The following ST18 variants were observed in gnomAD, a reference collection of about 807,000 sequenced individuals.
The protein encoded by ST18 is suppression of tumorigenicity 18 protein.
Under a neutral mutation model 110.0 loss-of-function variants are expected in ST18, and 50 were observed. The observed-to-expected ratio is 0.45, with a 90% CI of 0.36 to 0.58. The LOEUF (loss-of-function observed/expected upper bound fraction) is 0.58, where lower values mean the gene tolerates loss of function less well. ST18 is among the 20% of genes least tolerant of loss of function. The probability of loss-of-function intolerance (pLI) is 0.00; values close to 1 mark genes in which losing one functional copy is unlikely to be tolerated. For missense variants in ST18, 1,306 were observed against 1,280.1 expected, an observed-to-expected ratio of 1.02 and a Z score of -0.31; for synonymous variants, 461 against 452.4, an observed-to-expected ratio of 1.02 and a Z score of -0.24.
intron 2 of ST18, among the ~76,000 whole-genome samples, chr8:52,367,236 TCACACACA>T (rs748933981): frequency 8.3e-6 from 1 of 120,190 alleles, no homozygotes; most frequent in African/African-American, 3.1e-5. Context: ...GGACCCTGTC[TCACACACA>T]CACACACACA....
intron 2 of ST18, among the ~76,000 whole-genome samples, chr8:52,277,446 C>G (rs1215178320): frequency 1.3e-5 from 2 of 152,174 alleles, no homozygotes; most frequent in Non-Finnish European, 2.9e-5. Flanking sequence ...TCTCCACTTT[C>G]TTCCACTGCA....
At chr8:52,284,757 C>A (rs1364805369) in intron 2 of ST18, among the ~76,000 whole-genome samples, 3 of 152,056 alleles carry the variant, frequency 2.0e-5, no homozygotes, top group Non-Finnish European at 2.9e-5. Context: ...TTGAAATGGA[C>A]TAGGAAATGT....
chr8:52,331,534 T>G (rs557086021), intron 2 of ST18, among the ~76,000 whole-genome samples: 74 of 152,084 alleles, frequency 4.9e-4, no homozygotes, highest in African/African-American at 1.7e-3. Flanking sequence ...AGGGAGAAAA[T>G]GCAGGGAAGA....
intron 2 of ST18, among the ~76,000 whole-genome samples, chr8:52,252,929 G>A (rs2094385824): frequency 6.6e-6 from 1 of 151,872 alleles, no homozygotes; most frequent in South Asian, 2.1e-4. Context: ...CCTAATTTTA[G>A]TCTTACTTTG....
intron 2 of ST18, among the ~76,000 whole-genome samples, chr8:52,386,107 A>T (rs992012246): frequency 1.5e-4 from 23 of 152,222 alleles, no homozygotes; most frequent in Non-Finnish European, 2.8e-4. Context: ...ATCACAGGAA[A>T]ACTATAGATA....
chr8:52,236,858 G>T (rs76821955), intron 2 of ST18, among the ~76,000 whole-genome samples: 4,466 of 152,246 alleles, frequency 0.029, 123 homozygotes, highest in East Asian at 0.079. Flanking sequence ...AAACTGGTAT[G>T]TTGGGGAGGA....
At chr8:52,206,695 TA>T (rs147779194) in intron 8 of ST18, 18,605 of 152,298 alleles carry the variant, frequency 0.12, 1,272 homozygotes, top group Middle Eastern at 0.22. Context: ...GGCTTATAGG[TA>T]AAAAGGGTTT....
chr8:52,384,140 G>T (rs1835631236), intron 2 of ST18, among the ~76,000 whole-genome samples: 1 of 152,140 alleles, frequency 6.6e-6, no homozygotes, highest in Non-Finnish European at 1.5e-5. Context: ...ACATAAATGG[G>T]AGAGTAATGT....
chr8:52,338,761 T>C (rs1813416563), intron 2 of ST18, among the ~76,000 whole-genome samples: 1 of 151,942 alleles, frequency 6.6e-6, no homozygotes, highest in Admixed American at 6.6e-5. Flanking sequence ...TTTTTAAAGA[T>C]AATGTCTTGC....
intron 2 of ST18, among the ~76,000 whole-genome samples, chr8:52,289,081 T>C (rs1430433732): frequency 2.0e-5 from 3 of 152,214 alleles, no homozygotes. Context: ...CAACCTTTCC[T>C]CTGAATCAAA....
chr8:52,158,111 T>G (rs996179034), intron 15 of ST18, among the ~76,000 whole-genome samples: 1 of 152,246 alleles, frequency 6.6e-6, no homozygotes, highest in Non-Finnish European at 1.5e-5. Context: ...ACAAGCTCTG[T>G]GGATCGCTGT....
intron 2 of ST18, among the ~76,000 whole-genome samples, chr8:52,232,924 A>G (rs540172144): frequency 5.9e-5 from 9 of 152,008 alleles, no homozygotes; most frequent in Non-Finnish European, 1.2e-4. Flanking sequence ...GAACTTATCA[A>G]CTAGTTCTCC....
chr8:52,281,237 A>C (rs2095370437), intron 2 of ST18, among the ~76,000 whole-genome samples: 1 of 152,168 alleles, frequency 6.6e-6, no homozygotes, highest in Non-Finnish European at 1.5e-5. Context: ...AGAAAATTTG[A>C]GAAGTAATGA....
At chr8:52,277,071 G>C (rs1296734327) in intron 2 of ST18, among the ~76,000 whole-genome samples, 1 of 152,186 alleles carries the variant, frequency 6.6e-6, no homozygotes, top group Admixed American at 6.5e-5. Context: ...CTGGTCAAAG[G>C]CTATAAAACC....
intron 8 of ST18, among the ~76,000 whole-genome samples, chr8:52,183,694 G>C (rs967985855): frequency 6.6e-6 from 1 of 152,318 alleles, no homozygotes; most frequent in South Asian, 2.1e-4. Context: ...AGATGGAACT[G>C]TCTTGGCTCC....
chr8:52,118,684 G>A (rs1403996887), intron 23 of ST18, among the ~76,000 whole-genome samples: 1 of 152,100 alleles, frequency 6.6e-6, no homozygotes. Flanking sequence ...TGTCCCAGGG[G>A]TGCTGCCAGA....
chr8:52,113,715 G>A (rs2041291404), intron 25 of ST18, among the ~76,000 whole-genome samples: 1 of 152,082 alleles, frequency 6.6e-6, no homozygotes, highest in Admixed American at 6.6e-5. Flanking sequence ...TTGTGAGGCT[G>A]GGAAGGAAGG....
At chr8:52,284,821 C>CA (rs555775859) in intron 2 of ST18, among the ~76,000 whole-genome samples, 21 of 152,042 alleles carry the variant, frequency 1.4e-4, no homozygotes, top group Non-Finnish European at 2.4e-4. Context: ...CGCCACCCCC[C>CA]AAAAAAATCA....
chr8:52,303,672 C>A (rs1323896875), intron 2 of ST18, among the ~76,000 whole-genome samples: 1 of 152,168 alleles, frequency 6.6e-6, no homozygotes, highest in Non-Finnish European at 1.5e-5. Flanking sequence ...GATACACAAA[C>A]AATGCAAACA....
Sources: gnomAD v4.1 joint callset for allele counts (sites outside exome capture counted in the v4.1 genomes callset) on GRCh38, gnomAD v4.1.1 for gene constraint, MANE v1.5 for transcripts, NCBI Gene and HGNC (gene_info 2026-07-23, HGNC 2026-07-21) for gene names.